Variants in ADGRA3 observed in about 807,000 individuals in gnomAD.
The protein encoded by ADGRA3 is G-protein coupled receptor 125.
Under a neutral mutation model 119.8 loss-of-function variants are expected in ADGRA3, and 56 were observed. The ratio of observed to expected loss-of-function variants is 0.47; its 90% CI spans 0.38 to 0.58. The LOEUF (loss-of-function observed/expected upper bound fraction) is 0.58. Among genes scored for constraint, ADGRA3 ranks in the 20% least tolerant of loss-of-function variants. The pLI is 0.00. For synonymous variants in ADGRA3, 607 were observed against 623.8 expected (o/e 0.97, Z 0.40); for missense variants, 1,516 against 1,649.0 (o/e 0.92, Z 1.40).
intron 16 of ADGRA3, among the ~76,000 whole-genome samples, chr4:22,397,460 C>A (rs1235751318): frequency 6.6e-6 from 1 of 152,092 alleles, no homozygotes; most frequent in Non-Finnish European, 1.5e-5. Flanking sequence ...TACTATAATT[C>A]TTATGCTTGT....
chr4:22,410,120 A>C (rs1715131451), intron 14 of ADGRA3, among the ~76,000 whole-genome samples: 1 of 151,358 alleles, frequency 6.6e-6, no homozygotes, highest in African/African-American at 2.5e-5. Context: ...AACAAATGTA[A>C]AAGAATCACT....
At chr4:22,401,643 G>A (rs1367402334) in intron 15 of ADGRA3, 89 bp from the exon 16 acceptor site, 16 of 912,932 alleles carry the variant, frequency 1.8e-5, no homozygotes, top group South Asian at 6.3e-5. Context: ...CTTCATCAAA[G>A]GTAAAAGTTA....
In ADGRA3 at chr4:22,401,560, T is replaced by A. The variant is rs368722133; in HGVS notation, c.2358-6A>T. The A allele has an allele frequency of 2.2e-4, 351 of 1,594,998 alleles. 1 individual carries two copies. The African/African-American group carries it at 4.1e-3, about 19-fold the overall frequency. Reference sequence around the variant, plus strand: ...TGAGGCTGATTCTAATCAAACTGTTTAAAAAAGAGAGAAAATATTAATATT... The same window carrying A: ...TGAGGCTGATTCTAATCAAACTGTTAAAAAAAGAGAGAAAATATTAATATT... On this transcript the variant is annotated splice_polypyrimidine_tract_variant and splice_region_variant and intron_variant, in intron 15 of 18. Transcript: ENST00000334304.
Position 22,457,454 on chromosome 4 carries a change from C to A in ADGRA3, c.402-2517G>T, listed in dbSNP as rs118162341. Reference sequence around the variant, plus strand: ...CTTTATATCCCGTTGAGTTTACATACAGGACTTCTTCAGCTTGCAAGCTGT... The same window carrying A: ...CTTTATATCCCGTTGAGTTTACATAAAGGACTTCTTCAGCTTGCAAGCTGT... On this transcript the variant is annotated intron_variant, in intron 3 of 18. Transcript: ENST00000334304. Among the ~76,000 whole-genome samples, 95 of 152,278 alleles carry A rather than the reference C, an allele frequency of 6.2e-4. 1 individual carries two copies. In the East Asian group the frequency reaches 0.018, roughly 29 times the overall value.
intron 14 of ADGRA3, among the ~76,000 whole-genome samples, chr4:22,411,296 T>C (rs1715188121): frequency 6.6e-6 from 1 of 152,222 alleles, no homozygotes; most frequent in Non-Finnish European, 1.5e-5. Flanking sequence ...CCACATACTT[T>C]AACGCTTCAT....
At chr4:22,476,887 G>A (rs139793161) in intron 1 of ADGRA3, among the ~76,000 whole-genome samples, 4,785 of 151,962 alleles carry the variant, frequency 0.031, 89 homozygotes, top group Middle Eastern at 0.065. Context: ...GGCTGGTTTC[G>A]AACTCCTGAC....
At chr4:22,448,226 C>T (rs116581274) in intron 4 of ADGRA3, among the ~76,000 whole-genome samples, 34 of 152,204 alleles carry the variant, frequency 2.2e-4, no homozygotes, top group African/African-American at 7.9e-4. Context: ...CGGGGGAGGA[C>T]GGCCTGTGTG....
At chr4:22,439,308 G>A (rs1181222305) in intron 7 of ADGRA3, among the ~76,000 whole-genome samples, 1 of 152,106 alleles carries the variant, frequency 6.6e-6, no homozygotes, top group African/African-American at 2.4e-5. Context: ...AAACAGCTGT[G>A]TTTCTAAATG....
intron 2 of ADGRA3, among the ~76,000 whole-genome samples, chr4:22,465,817 C>A (rs1717637339): frequency 6.6e-6 from 1 of 152,150 alleles, no homozygotes; most frequent in Non-Finnish European, 1.5e-5. Context: ...AATAGGAAAA[C>A]AGGTAAACCA....
At chr4:22,456,937 C>T (rs1482479443) in intron 3 of ADGRA3, among the ~76,000 whole-genome samples, 2 of 151,966 alleles carry the variant, frequency 1.3e-5, no homozygotes, top group Non-Finnish European at 2.9e-5. Flanking sequence ...CTTTTAAATC[C>T]CAGTTGATTT....
intron 3 of ADGRA3, among the ~76,000 whole-genome samples, chr4:22,460,842 G>A (rs1209397476): frequency 6.6e-6 from 1 of 152,174 alleles, no homozygotes; most frequent in Non-Finnish European, 1.5e-5. Context: ...ATCTTCCGAA[G>A]AAGTCAGGGC....
At chr4:22,502,469 A>C (rs1294210069) in intron 1 of ADGRA3, among the ~76,000 whole-genome samples, 2 of 152,206 alleles carry the variant, frequency 1.3e-5, no homozygotes, top group Non-Finnish European at 2.9e-5. Context: ...CAATAGGCTG[A>C]AACTGAAATA....
intron 1 of ADGRA3, among the ~76,000 whole-genome samples, chr4:22,488,218 T>C (rs918301482): frequency 1.3e-5 from 2 of 152,172 alleles, no homozygotes; most frequent in African/African-American, 4.8e-5. Flanking sequence ...TTCACATGTA[T>C]AGGGTTGTGT....
chr4:22,400,512 GA>G (rs1207563860), intron 16 of ADGRA3, among the ~76,000 whole-genome samples: 1 of 152,052 alleles, frequency 6.6e-6, no homozygotes, highest in Non-Finnish European at 1.5e-5. Context: ...AAGCCAAGAA[GA>G]AAATGGTGAC....
chr4:22,397,569 T>C (rs1007447501), intron 16 of ADGRA3, among the ~76,000 whole-genome samples: 2 of 152,148 alleles, frequency 1.3e-5, no homozygotes, highest in East Asian at 3.9e-4. Context: ...GGACCTGATA[T>C]GATTTAGTTG....
chr4:22,418,446 T>C (rs935471177), intron 12 of ADGRA3, among the ~76,000 whole-genome samples: 2 of 152,124 alleles, frequency 1.3e-5, no homozygotes, highest in African/African-American at 4.8e-5. Context: ...TGCTGGGTGT[T>C]ATCACCAAGG....
chr4:22,488,860 C>A (rs1718529009), intron 1 of ADGRA3, among the ~76,000 whole-genome samples: 1 of 151,700 alleles, frequency 6.6e-6, no homozygotes, highest in Admixed American at 6.6e-5. Flanking sequence ...ATACAAGTCC[C>A]CTGGGAGAAA....
At chr4:22,483,938 A>C (rs1018436921) in intron 1 of ADGRA3, among the ~76,000 whole-genome samples, 1 of 152,184 alleles carries the variant, frequency 6.6e-6, no homozygotes, top group African/African-American at 2.4e-5. Context: ...GTAAGCTGCC[A>C]GCTAACTTAT....
chr4:22,430,065 T>G (rs566998654), intron 10 of ADGRA3, among the ~76,000 whole-genome samples: 3 of 152,208 alleles, frequency 2.0e-5, no homozygotes, highest in Admixed American at 6.5e-5. Context: ...TCTCTTTGCC[T>G]GCCACCATCC....
Sources: allele counts gnomAD v4.1 joint callset (sites outside exome capture counted in the v4.1 genomes callset), GRCh38; gene constraint gnomAD v4.1.1; transcripts MANE v1.5; gene names NCBI Gene and HGNC (gene_info 2026-07-23, HGNC 2026-07-21).